The following PTK2 variants were observed in gnomAD, a reference collection of about 807,000 sequenced individuals.
The protein encoded by PTK2 is focal adhesion kinase 1.
A neutral mutation model predicts 150.1 loss-of-function variants in PTK2; 45 were observed. The ratio of observed to expected loss-of-function variants is 0.30; its 90% confidence interval spans 0.24 to 0.38. The LOEUF (loss-of-function observed/expected upper bound fraction) is 0.38, where lower values mean the gene tolerates loss of function less well. Among genes scored for constraint, PTK2 ranks in the 10% least tolerant of loss-of-function variants. The probability of loss-of-function intolerance (pLI) is 1.00; values close to 1 mark genes in which losing one functional copy is unlikely to be tolerated. For missense variants in PTK2, 919 were observed against 1,307.3 expected (o/e 0.70, Z 4.58); for synonymous variants, 432 against 449.2 (o/e 0.96, Z 0.48).
intron 23 of PTK2, 152 bp downstream of exon 26, chr8:140,717,446 C>G (rs373552818): frequency 2.9e-5 from 18 of 617,280 alleles, no homozygotes; most frequent in South Asian, 9.5e-5. Context: ...TACGAGAAGA[C>G]GAGCAAAAAG....
chr8:140,995,685 T>A (rs965475403), intron 1 of PTK2, among the ~76,000 whole-genome samples: 1 of 151,720 alleles, frequency 6.6e-6, no homozygotes, highest in East Asian at 1.9e-4. Flanking sequence ...GGTGCATGCC[T>A]GTAGTCCCAG....
intron 2 of PTK2, among the ~76,000 whole-genome samples, chr8:140,912,079 A>G (rs182333576): frequency 1.3e-5 from 2 of 152,006 alleles, no homozygotes; most frequent in African/African-American, 4.8e-5. Flanking sequence ...CAAAGAAATA[A>G]CCAAAATTTT....
At chr8:140,797,406 C>T (rs561768108) in intron 12 of PTK2, among the ~76,000 whole-genome samples, 114 of 152,212 alleles carry the variant, frequency 7.5e-4, no homozygotes, top group African/African-American at 2.6e-3. Context: ...CTAAACGAAA[C>T]GTTTTAATTA....
intron 23 of PTK2, among the ~76,000 whole-genome samples, chr8:140,715,361 G>A (rs1488625529): frequency 6.6e-5 from 10 of 151,342 alleles, no homozygotes; most frequent in African/African-American, 2.4e-4. Flanking sequence ...TAGTAGAGAC[G>A]GGGTTTCACC....
intron 5 of PTK2, among the ~76,000 whole-genome samples, chr8:140,852,863 A>C (rs1029538276): frequency 1.3e-5 from 2 of 152,176 alleles, no homozygotes; most frequent in Non-Finnish European, 2.9e-5. Context: ...TTCCCACGAA[A>C]GGCATATTTT....
intron 5 of PTK2, among the ~76,000 whole-genome samples, chr8:140,849,223 C>T (rs1329664790): frequency 6.6e-6 from 1 of 152,122 alleles, no homozygotes; most frequent in East Asian, 1.9e-4. Flanking sequence ...TAGAATAAGG[C>T]ATCACCACAG....
chr8:140,816,637 G>A (rs2100104871), intron 10 of PTK2, among the ~76,000 whole-genome samples: 1 of 152,196 alleles, frequency 6.6e-6, no homozygotes, highest in African/African-American at 2.4e-5. Flanking sequence ...AATAGGCAAA[G>A]TACATGATAT....
chr8:140,746,550 T>C (rs997660951), intron 18 of PTK2: 16 of 391,818 alleles, frequency 4.1e-5, no homozygotes, highest in Non-Finnish European at 7.2e-5. Context: ...CTGGGGAAGA[T>C]ATTGCTGCCA....
chr8:140,963,519 T>C (rs2100184146), intron 1 of PTK2, among the ~76,000 whole-genome samples: 1 of 152,182 alleles, frequency 6.6e-6, no homozygotes, highest in African/African-American at 2.4e-5. Flanking sequence ...AGTTACAGTG[T>C]TGCAAAAACA....
At chr8:140,679,606 G>C (rs2100015948) in intron 27 of PTK2, among the ~76,000 whole-genome samples, 1 of 152,070 alleles carries the variant, frequency 6.6e-6, no homozygotes, top group African/African-American at 2.4e-5. Context: ...TAGGGGCTTT[G>C]GTTTTTCAAT....
chr8:140,733,471 G>A (rs1010460167), intron 22 of PTK2, among the ~76,000 whole-genome samples: 2 of 152,142 alleles, frequency 1.3e-5, no homozygotes, highest in Admixed American at 6.6e-5. Flanking sequence ...TGGTAAAGGT[G>A]GAGAGATGGC....
chr8:140,784,158 A>G (rs1487330969), intron 14 of PTK2, among the ~76,000 whole-genome samples: 1 of 152,088 alleles, frequency 6.6e-6, no homozygotes, highest in East Asian at 1.9e-4. Context: ...AAGTGGGGGG[A>G]AAAAAACTAT....
chr8:140,808,433 C>A (rs977938753), intron 10 of PTK2, among the ~76,000 whole-genome samples: 1 of 152,150 alleles, frequency 6.6e-6, no homozygotes, highest in African/African-American at 2.4e-5. Flanking sequence ...CTTTATATAA[C>A]TAATACCTCT....
chr8:140,974,640 T>TC (rs2100188613), intron 1 of PTK2, among the ~76,000 whole-genome samples: 1 of 152,202 alleles, frequency 6.6e-6, no homozygotes, highest in African/African-American at 2.4e-5. Flanking sequence ...GGATGATGTT[T>TC]CCCTTGCCAA....
intron 18 of PTK2, 122 bp from the exon 22 acceptor site, chr8:140,744,889 T>C (rs563366195): frequency 2.0e-4 from 100 of 501,976 alleles, no homozygotes; most frequent in African/African-American, 1.7e-3. Context: ...TTAATAATAT[T>C]AGAATGGCTT....
chr8:140,734,023 T>C (rs1471481325), intron 22 of PTK2, among the ~76,000 whole-genome samples: 4 of 152,210 alleles, frequency 2.6e-5, no homozygotes, highest in Admixed American at 6.5e-5. Flanking sequence ...ATTTTCAGAC[T>C]GGATGAATCC....
intron 1 of PTK2, among the ~76,000 whole-genome samples, chr8:140,951,742 C>T (rs1225588692): frequency 6.6e-6 from 1 of 151,914 alleles, no homozygotes; most frequent in Non-Finnish European, 1.5e-5. Context: ...TAATTAGCCA[C>T]GCATGGTAGC....
At chr8:140,969,275 C>T (rs552091038) in intron 1 of PTK2, among the ~76,000 whole-genome samples, 63 of 152,038 alleles carry the variant, frequency 4.1e-4, no homozygotes, top group Non-Finnish European at 5.9e-4. Flanking sequence ...CCTCAATTCC[C>T]ATAGAAAAAG....
intron 2 of PTK2, chr8:140,920,980 T>C (rs2100167173): frequency 3.8e-6 from 5 of 1,332,306 alleles, no homozygotes; most frequent in South Asian, 2.0e-5. Context: ...GCTGTGATAG[T>C]ATTTGCTTCG....
Sources: allele counts gnomAD v4.1 joint callset (sites outside exome capture counted in the v4.1 genomes callset), GRCh38; gene constraint gnomAD v4.1.1; transcripts MANE v1.5; gene names NCBI Gene and HGNC (gene_info 2026-07-23, HGNC 2026-07-21).